GALNT10: variants seen among roughly 807,000 people sequenced by gnomAD.
GALNT10 encodes the protein GalNAc transferase 10.
A neutral mutation model predicts 75.0 loss-of-function variants in GALNT10; 41 were observed. The ratio of observed to expected loss-of-function variants is 0.55; its 90% CI spans 0.43 to 0.71. GALNT10 has a LOEUF of 0.71. Among genes scored for constraint, GALNT10 ranks in the 30% least tolerant of loss-of-function variants. GALNT10 has a pLI of 0.00. For missense variants in GALNT10, 727 were observed against 818.5 expected, an observed-to-expected ratio of 0.89 and a Z score of 1.36; for synonymous variants, 302 against 313.0, an observed-to-expected ratio of 0.96 and a Z score of 0.37.
At chr5:154,258,756 A>G (rs1308654152) in intron 1 of GALNT10, among the ~76,000 whole-genome samples, 1 of 152,132 alleles carries the variant, frequency 6.6e-6, no homozygotes, top group African/African-American at 2.4e-5. Flanking sequence ...ATTCATGACT[A>G]TTTGAAACTC....
chr5:154,258,272 A>C (rs763767737), intron 1 of GALNT10, among the ~76,000 whole-genome samples: 3 of 152,156 alleles, frequency 2.0e-5, no homozygotes, highest in African/African-American at 7.2e-5. Flanking sequence ...TCCAAACTAC[A>C]GTGCTTTTTT....
intron 1 of GALNT10, among the ~76,000 whole-genome samples, chr5:154,283,104 T>A (rs1253297043): frequency 6.6e-6 from 1 of 151,992 alleles, no homozygotes; most frequent in East Asian, 1.9e-4. Flanking sequence ...TGGTTGCACC[T>A]CACACATCCT....
intron 3 of GALNT10, among the ~76,000 whole-genome samples, chr5:154,302,316 C>T (rs909668230): frequency 5.3e-5 from 8 of 152,244 alleles, no homozygotes; most frequent in East Asian, 1.9e-4. Flanking sequence ...AGCCAGAGAA[C>T]GGAAGCGAGG....
intron 4 of GALNT10, among the ~76,000 whole-genome samples, chr5:154,375,919 T>G (rs1195731266): frequency 6.6e-6 from 1 of 152,230 alleles, no homozygotes; most frequent in Non-Finnish European, 1.5e-5. Flanking sequence ...CAAAGTCTGA[T>G]GGACTGAGAA....
intron 10 of GALNT10, among the ~76,000 whole-genome samples, chr5:154,413,222 G>A (rs1178371263): frequency 6.6e-6 from 1 of 152,212 alleles, no homozygotes; most frequent in Non-Finnish European, 1.5e-5. Flanking sequence ...GGTTACAAAT[G>A]ATGGACACTC....
At chr5:154,215,426 G>GGCGCC (rs1752850516) in intron 1 of GALNT10, among the ~76,000 whole-genome samples, 1 of 152,126 alleles carries the variant, frequency 6.6e-6, no homozygotes, top group Non-Finnish European at 1.5e-5. Flanking sequence ...AGCTTGCAGT[G>GGCGCC]AGCCGAGATG....
intron 1 of GALNT10, among the ~76,000 whole-genome samples, chr5:154,289,342 C>T (rs1754157946): frequency 6.6e-6 from 1 of 152,186 alleles, no homozygotes; most frequent in Non-Finnish European, 1.5e-5. Flanking sequence ...CCTAGGTTTT[C>T]CTAACTCTGG....
At chr5:154,218,738 G>A (rs1301811442) in intron 1 of GALNT10, among the ~76,000 whole-genome samples, 1 of 152,096 alleles carries the variant, frequency 6.6e-6, no homozygotes, top group African/African-American at 2.4e-5. Context: ...GGGAGAGGGT[G>A]TAGATGGGAA....
intron 4 of GALNT10, among the ~76,000 whole-genome samples, chr5:154,330,152 G>A (rs182696735): frequency 1.2e-3 from 190 of 152,314 alleles, no homozygotes; most frequent in African/African-American, 4.2e-3. Context: ...CATCCTCATG[G>A]TCACAAAATG....
intron 1 of GALNT10, among the ~76,000 whole-genome samples, chr5:154,290,900 T>G (rs1465207076): frequency 6.6e-6 from 1 of 150,470 alleles, no homozygotes; most frequent in Non-Finnish European, 1.5e-5. Flanking sequence ...GCTATTTAGC[T>G]CAGATGGCTG....
intron 4 of GALNT10, among the ~76,000 whole-genome samples, chr5:154,333,490 A>G (rs930768291): frequency 6.6e-6 from 1 of 152,224 alleles, no homozygotes; most frequent in Non-Finnish European, 1.5e-5. Flanking sequence ...GTCCTGACCT[A>G]TAATGGTTTG....
At chr5:154,333,181 G>A (rs1754893078) in intron 4 of GALNT10, among the ~76,000 whole-genome samples, 1 of 152,124 alleles carries the variant, frequency 6.6e-6, no homozygotes, top group South Asian at 2.1e-4. Context: ...GCTAAAAGAA[G>A]TATATGAAAA....
chr5:154,340,363 G>A (rs1755016328), intron 4 of GALNT10, among the ~76,000 whole-genome samples: 2 of 152,128 alleles, frequency 1.3e-5, no homozygotes, highest in Admixed American at 1.3e-4. Context: ...CCTCTTTATA[G>A]ACAACATTTG....
At chr5:154,223,347 A>G (rs1328136459) in intron 1 of GALNT10, among the ~76,000 whole-genome samples, 1 of 152,226 alleles carries the variant, frequency 6.6e-6, no homozygotes, top group African/African-American at 2.4e-5. Flanking sequence ...TCACTTCCCC[A>G]GTTCGTACAG....
At chr5:154,312,447 A>G (rs1405673608) in intron 3 of GALNT10, among the ~76,000 whole-genome samples, 1 of 152,168 alleles carries the variant, frequency 6.6e-6, no homozygotes, top group Non-Finnish European at 1.5e-5. Flanking sequence ...TTCTTTGCTT[A>G]TACAGTATAT....
chr5:154,223,220 A>C (rs1011168555), intron 1 of GALNT10, among the ~76,000 whole-genome samples: 2 of 152,230 alleles, frequency 1.3e-5, no homozygotes, highest in Non-Finnish European at 2.9e-5. Flanking sequence ...ATGCATTCTA[A>C]TACTAATCAT....
chr5:154,288,444 T>TGTGTGTG (rs1447790610), intron 1 of GALNT10, among the ~76,000 whole-genome samples: 1 of 122,998 alleles, frequency 8.1e-6, no homozygotes, highest in South Asian at 2.5e-4. Flanking sequence ...GTGTGTGTGT[T>TGTGTGTG]TGAACACTAA....
At chr5:154,236,304 A>G (rs1753245676) in intron 1 of GALNT10, among the ~76,000 whole-genome samples, 1 of 152,244 alleles carries the variant, frequency 6.6e-6, no homozygotes, top group African/African-American at 2.4e-5. Flanking sequence ...TAATCCATGT[A>G]AAATGCCCAG....
intron 3 of GALNT10, among the ~76,000 whole-genome samples, chr5:154,303,468 G>A (rs1754388593): frequency 6.6e-6 from 1 of 152,182 alleles, no homozygotes; most frequent in African/African-American, 2.4e-5. Context: ...CCTGCCGTGA[G>A]GAAGCTATCT....
Sources: gnomAD v4.1 joint callset for allele counts (sites outside exome capture counted in the v4.1 genomes callset) on GRCh38, gnomAD v4.1.1 for gene constraint, MANE v1.5 for transcripts, NCBI Gene and HGNC (gene_info 2026-07-23, HGNC 2026-07-21) for gene names.